CMSS1: variants seen among roughly 807,000 people sequenced by gnomAD.
CMSS1 encodes protein CMSS1.
A neutral mutation model predicts 43.5 loss-of-function variants in CMSS1; 33 were observed. The observed-to-expected ratio is 0.76, with a 90% CI of 0.57 to 1.01. The LOEUF is 1.01. Ranked by LOEUF, CMSS1 falls within the 50% of genes least tolerant of loss-of-function variation. The pLI is 0.00. For missense variants in CMSS1, 313 were observed against 326.4 expected (o/e 0.96, Z 0.32); for synonymous variants, 115 against 117.2 (o/e 0.98, Z 0.12).
intron 1 of CMSS1, among the ~76,000 whole-genome samples, chr3:100,054,967 C>T (rs1224526530): frequency 3.5e-4 from 53 of 152,194 alleles, no homozygotes; most frequent in Admixed American, 3.5e-3. Context: ...AATGCCCTTT[C>T]CCAGCTTGCA....
chr3:100,124,106 C>T (rs955138863), intron 1 of CMSS1, among the ~76,000 whole-genome samples: 39 of 152,080 alleles, frequency 2.6e-4, no homozygotes, highest in Non-Finnish European at 5.3e-4. Context: ...CATGACTCTC[C>T]GCTAGAATAA....
intron 1 of CMSS1, among the ~76,000 whole-genome samples, chr3:100,125,755 T>TA (rs1473534598): frequency 6.6e-6 from 1 of 152,172 alleles, no homozygotes; most frequent in African/African-American, 2.4e-5. Context: ...ATTTTCTACA[T>TA]ATGTAAATTA....
At chr3:100,109,901 T>TG (rs2066459252) in intron 1 of CMSS1, 1 of 114,708 alleles carries the variant, frequency 8.7e-6, no homozygotes, top group Non-Finnish European at 1.7e-5. Flanking sequence ...GTTTCTTTTA[T>TG]GACCCCCCCC....
rs557215407 is a variant in CMSS1 at position 99,975,428 on chromosome 3, C to T, written c.64+157385C>T. Among the ~76,000 whole-genome samples the T allele has an allele frequency of 2.6e-5, 4 of 152,092 alleles. No homozygotes were observed. In the South Asian group the frequency reaches 8.3e-4, roughly 32 times the overall value. On this transcript the variant is annotated intron_variant, in intron 1 of 9. Coordinates refer to ENST00000421999, the MANE Select transcript of CMSS1 (RefSeq NM_032359.4). Reference sequence around the variant, plus strand: ...CCAACATGGTGAAACTCTGTCTCTGCTAAAAATACAAAAATTAGCTGAGTA... The same window carrying T: ...CCAACATGGTGAAACTCTGTCTCTGTTAAAAATACAAAAATTAGCTGAGTA...
chr3:100,126,804 C>T (rs2066666425), intron 1 of CMSS1, among the ~76,000 whole-genome samples: 1 of 152,124 alleles, frequency 6.6e-6, no homozygotes, highest in Admixed American at 6.5e-5. Flanking sequence ...CGAGACCATC[C>T]TGGCTAACAC....
chr3:99,885,253 C>T (rs1705855399), intron 1 of CMSS1, among the ~76,000 whole-genome samples: 1 of 152,202 alleles, frequency 6.6e-6, no homozygotes, highest in Non-Finnish European at 1.5e-5. Context: ...TTTCAGCCTA[C>T]TTATTTGTAT....
intron 1 of CMSS1, chr3:99,851,221 CAG>C: frequency 1.7e-6 from 1 of 597,238 alleles, no homozygotes; most frequent in Non-Finnish European, 2.7e-6. Flanking sequence ...AATTTGATGA[CAG>C]AGGAAAATCT....
At chr3:99,865,411 G>T (rs973283667) in intron 1 of CMSS1, among the ~76,000 whole-genome samples, 1 of 152,050 alleles carries the variant, frequency 6.6e-6, no homozygotes, top group Non-Finnish European at 1.5e-5. Context: ...GTAATATTCT[G>T]CCTGTCAAAG....
intron 1 of CMSS1, among the ~76,000 whole-genome samples, chr3:99,940,301 A>G (rs1398441225): frequency 1.3e-5 from 2 of 152,250 alleles, no homozygotes; most frequent in Non-Finnish European, 2.9e-5. Context: ...TTCCAACCCT[A>G]GATCAGAGCT....
intron 1 of CMSS1, 40 bp from the exon 2 acceptor site, chr3:100,146,933 G>C: frequency 6.3e-7 from 1 of 1,595,064 alleles, no homozygotes. Flanking sequence ...AGCAATGAGA[G>C]AGAGAGACTT....
chr3:99,957,465 G>T lies in CMSS1; in HGVS notation c.64+139422G>T, dbSNP rs148823672. 5.7e-3 allele frequency among the ~76,000 whole-genome samples: 865 copies of T among 151,878 alleles called. 4 individuals are homozygous for T. Among genetic ancestry groups the T allele is most frequent in the South Asian group, 7.5e-3 (36 of 4,808 alleles). On this transcript the variant is annotated intron_variant, in intron 1 of 9. Transcript: ENST00000421999. ...ACACATATGTGTGTATATATATATA[G>T]AGAGAGAGACATGAAAGATCCTCAT... is the stretch of plus-strand genomic sequence containing the variant.
chr3:99,934,682 C>CA (rs1442467193), intron 1 of CMSS1, among the ~76,000 whole-genome samples: 32 of 152,146 alleles, frequency 2.1e-4, no homozygotes, highest in Admixed American at 1.0e-3. Flanking sequence ...CCCTGAGCTG[C>CA]AACAGAAGAC....
At chr3:99,858,613 G>A (rs1382223466) in intron 1 of CMSS1, among the ~76,000 whole-genome samples, 1 of 152,154 alleles carries the variant, frequency 6.6e-6, no homozygotes, top group East Asian at 1.9e-4. Context: ...TGCAACTAAT[G>A]TCTGGCTTAA....
chr3:99,849,489 G>A, intron 1 of CMSS1: 1 of 1,613,464 alleles, frequency 6.2e-7, no homozygotes. Context: ...CAGTTGCCAT[G>A]TATTCATGAA....
At chr3:99,949,256 T>C (rs1282271287) in intron 1 of CMSS1, among the ~76,000 whole-genome samples, 6 of 152,234 alleles carry the variant, frequency 3.9e-5, no homozygotes, top group Admixed American at 2.0e-4. Flanking sequence ...AAAAAAACTT[T>C]AGGCTGGTTT....
intron 1 of CMSS1, among the ~76,000 whole-genome samples, chr3:99,938,384 T>A (rs1707756012): frequency 6.6e-6 from 1 of 152,216 alleles, no homozygotes; most frequent in Admixed American, 6.5e-5. Flanking sequence ...ATTTTAGACA[T>A]AAATTGTTTG....
At chr3:100,069,356 T>G (rs2065722633) in intron 1 of CMSS1, among the ~76,000 whole-genome samples, 1 of 152,036 alleles carries the variant, frequency 6.6e-6, no homozygotes, top group South Asian at 2.1e-4. Flanking sequence ...AATTACCTAA[T>G]TTTTGCAACA....
At chr3:100,149,708 T>C (rs1237536544) in intron 2 of CMSS1, among the ~76,000 whole-genome samples, 1 of 152,188 alleles carries the variant, frequency 6.6e-6, no homozygotes, top group Non-Finnish European at 1.5e-5. Flanking sequence ...CCCAGGAGAC[T>C]CACCTCGAGG....
chr3:100,064,082 T>G (rs1484250741), intron 1 of CMSS1, among the ~76,000 whole-genome samples: 2 of 152,174 alleles, frequency 1.3e-5, no homozygotes, highest in African/African-American at 4.8e-5. Context: ...TTCTTTGTTT[T>G]GTTGCTTCTG....
Sources: gnomAD v4.1 joint callset for allele counts (sites outside exome capture counted in the v4.1 genomes callset) on GRCh38, gnomAD v4.1.1 for gene constraint, MANE v1.5 for transcripts, NCBI Gene and HGNC (gene_info 2026-07-23, HGNC 2026-07-21) for gene names.